ARL17B: variants seen among roughly 807,000 people sequenced by gnomAD.
ARL17B encodes ARF like GTPase 17B, also known as ADP-ribosylation factor-like protein 17.
intron 3 of ARL17B, among the ~76,000 whole-genome samples, chr17:46,350,643 G>C (rs1201531955): frequency 1.2e-5 from 1 of 85,610 alleles, no homozygotes; most frequent in Non-Finnish European, 3.0e-5. Context: ...AAGGTGGGCA[G>C]ATGCTTGAGC....
rs1410689570 is a variant in ARL17B, at chr17:46,357,168, T to G, written c.148+1082A>C. Among the ~76,000 whole-genome samples, 3 of 102,060 alleles carry G rather than the reference T, an allele frequency of 2.9e-5. No individual in the cohort carries two copies. In the Admixed American group the frequency reaches 3.1e-4, roughly 11 times the overall value. 67.0% of individuals were successfully genotyped at this position (102,060 alleles called of 152,430 possible). On this transcript the variant is annotated intron_variant, in intron 2 of 3. Transcript: ENST00000450673. ...AGCCTGGGGTGACAGAGCGAGACTCTATCTCAAAAAAAAAAAAAAAAGAAA... is the reference window on the plus strand; with the variant it reads ...AGCCTGGGGTGACAGAGCGAGACTCGATCTCAAAAAAAAAAAAAAAAGAAA...
intron 3 of ARL17B, among the ~76,000 whole-genome samples, chr17:46,317,117 A>C (rs2051180042): frequency 1.1e-5 from 1 of 88,134 alleles, no homozygotes; most frequent in Non-Finnish European, 3.4e-5. Flanking sequence ...GTTCTCAATG[A>C]GCTGTTGGGT....
At chr17:46,283,605 T>C (rs1434645050) in intron 4 of ARL17B, among the ~76,000 whole-genome samples, 2 of 152,262 alleles carry the variant, frequency 1.3e-5, no homozygotes, top group Admixed American at 6.5e-5. Context: ...TCGGAAGACC[T>C]TGGTGTGGTG....
At chr17:46,278,413 TTG>T (rs796399494) in intron 4 of ARL17B, among the ~76,000 whole-genome samples, 2,436 of 87,374 alleles carry the variant, frequency 0.028, 46 homozygotes, top group Middle Eastern at 0.083. Flanking sequence ...TTTTTTTTTG[TTG>T]TTGTTTTAAG....
intron 4 of ARL17B, chr17:46,275,517 A>C: frequency 1.7e-6 from 1 of 585,924 alleles, no homozygotes; most frequent in Non-Finnish European, 3.1e-6. Flanking sequence ...AGAAGCAGCC[A>C]TGTTCTTTCA....
chr17:46,284,308 C>T (rs139326984), intron 4 of ARL17B, among the ~76,000 whole-genome samples: 626 of 122,490 alleles, frequency 5.1e-3, no homozygotes, highest in Middle Eastern at 0.019. Flanking sequence ...TGTCCCTGGG[C>T]ACTTGACATT....
chr17:46,290,973 A>C (rs545434205), intron 4 of ARL17B, among the ~76,000 whole-genome samples: 14 of 152,372 alleles, frequency 9.2e-5, no homozygotes, highest in African/African-American at 1.2e-4. Context: ...TACCTCAGGA[A>C]GCTTTTAAAT....
rs1298276757 is a variant in ARL17B, at chr17:46,339,246, T to C, written c.*254A>G. Among the ~76,000 whole-genome samples the C allele has an allele frequency of 2.3e-5, 2 of 85,554 alleles. No individual in the cohort carries two copies. The highest frequency in any genetic ancestry group is 6.3e-5 in the African/African-American group (2 of 31,934). 56.1% of individuals were successfully genotyped at this position (85,554 alleles called of 152,430 possible). A position where few individuals can be genotyped will look rare whatever the true frequency, so the allele number is the denominator to read the frequency against. On this transcript the variant is annotated 3_prime_UTR_variant, in exon 4 of 4. Transcript: ENST00000450673. ...CTAGGAGAAAAGAAAAATGATAAAT[T>C]AACAAAGGACAATGCTCTTAGCACC...
chr17:46,274,203 CTA>C (rs2049529725), downstream of ARL17B, among the ~76,000 whole-genome samples: 1 of 152,242 alleles, frequency 6.6e-6, no homozygotes, highest in African/African-American at 2.4e-5. Flanking sequence ...GGGAGAAAAA[CTA>C]TCTCCATTTA....
chr17:46,315,986 C>T (rs946250394), intron 3 of ARL17B, among the ~76,000 whole-genome samples: 2 of 54,148 alleles, frequency 3.7e-5, no homozygotes, highest in African/African-American at 1.0e-4. Context: ...TGCAGTGGCA[C>T]AATCTTTACT....
At chr17:46,341,164 C>T (rs1203053153) in intron 3 of ARL17B, among the ~76,000 whole-genome samples, 1 of 40,222 alleles carries the variant, frequency 2.5e-5, no homozygotes, top group African/African-American at 1.1e-4. Flanking sequence ...AGAGGCCCGG[C>T]GCCTGGGGAT....
In ARL17B at chr17:46,321,351, G is replaced by A. The variant is rs4324173; in HGVS notation, c.260-21686C>T. On this transcript the variant is annotated intron_variant, in intron 3 of 4. Coordinates refer to the ARL17B transcript ENST00000434041. Reference sequence around the variant, plus strand: ...AGCCTGGGTGACAGAGTGAGACTCCGTCTCAGAAAAAAAAAAAAAAAAAAA... The same window carrying A: ...AGCCTGGGTGACAGAGTGAGACTCCATCTCAGAAAAAAAAAAAAAAAAAAA... Among the ~76,000 whole-genome samples, 56 of 58,734 alleles carry A rather than the reference G, an allele frequency of 9.5e-4. No homozygotes were observed. The East Asian group carries it at 0.016, about 17-fold the overall frequency. The allele number at this position is 58,734 out of a possible 152,430, so 38.5% of individuals were successfully genotyped here. A position where few individuals can be genotyped will look rare whatever the true frequency, so the allele number is the denominator to read the frequency against.
intron 4 of ARL17B, among the ~76,000 whole-genome samples, chr17:46,283,332 A>G (rs535960984): frequency 6.6e-4 from 100 of 152,358 alleles, no homozygotes; most frequent in African/African-American, 2.3e-3. Flanking sequence ...TAATAACACC[A>G]TAATAATCTG....
chr17:46,285,815 T>C (rs778213121), intron 4 of ARL17B, among the ~76,000 whole-genome samples: 2,610 of 126,694 alleles, frequency 0.021, no homozygotes, highest in Non-Finnish European at 0.034. Flanking sequence ...AATCCTAACA[T>C]TGGAAACTTG....
Position 46,292,459 on chromosome 17 carries a change from C to T in ARL17B, c.*21+7067G>A. Among the ~76,000 whole-genome samples the T allele has an allele frequency of 2.5e-5, 2 of 80,606 alleles. 1 individual carries two copies. The highest frequency in any genetic ancestry group is 7.5e-5 in the Non-Finnish European group (2 of 26,718). 52.9% of individuals were successfully genotyped at this position (80,606 alleles called of 152,430 possible). On this transcript the variant is annotated intron_variant, in intron 4 of 4. Coordinates refer to the ARL17B transcript ENST00000570618. Reference sequence around the variant, plus strand: ...GTTTCATTCTCAGGAAAATGTGAAACTCTGAAACTGCTTTTTGAGTGCAGG... The same window carrying T: ...GTTTCATTCTCAGGAAAATGTGAAATTCTGAAACTGCTTTTTGAGTGCAGG...
intron 4 of ARL17B, among the ~76,000 whole-genome samples, chr17:46,283,034 G>A (rs1262151558): frequency 5.3e-5 from 8 of 152,222 alleles, no homozygotes; most frequent in East Asian, 1.9e-4. Context: ...CAGGAGAATC[G>A]CTTGAACCTG....
intron 3 of ARL17B, among the ~76,000 whole-genome samples, chr17:46,324,269 T>TA (rs1420883299): frequency 1.1e-4 from 7 of 61,664 alleles, no homozygotes; most frequent in East Asian, 6.3e-4. Context: ...GGACTCTGTC[T>TA]AAAAAAAAAA....
intron 4 of ARL17B, among the ~76,000 whole-genome samples, chr17:46,288,928 C>T (rs1700972354): frequency 6.6e-6 from 1 of 152,194 alleles, no homozygotes; most frequent in African/African-American, 2.4e-5. Context: ...TAGCCTTGAA[C>T]TCCTGACCTC....
intron 4 of ARL17B, among the ~76,000 whole-genome samples, chr17:46,279,017 C>T (rs2049679398): frequency 6.6e-6 from 1 of 151,882 alleles, no homozygotes; most frequent in Admixed American, 6.6e-5. Flanking sequence ...AGGCTGGTCT[C>T]GAACTCCTGA....
Sources: gnomAD v4.1 joint callset for allele counts (sites outside exome capture counted in the v4.1 genomes callset) on GRCh38, gnomAD v4.1.1 for gene constraint, MANE v1.5 for transcripts, NCBI Gene and HGNC (gene_info 2026-07-23, HGNC 2026-07-21) for gene names.